Variants in HMCN2 observed in about 807,000 individuals in gnomAD.
HMCN2 encodes the protein hemicentin-2.
A neutral mutation model predicts 377.5 loss-of-function variants in HMCN2; 325 were observed. That is an observed-to-expected ratio of 0.86 (90% CI 0.79 to 0.94). The LOEUF is 0.94. Among genes scored for constraint, HMCN2 ranks in the 40% least tolerant of loss-of-function variants. The probability of loss-of-function intolerance (pLI) is 0.00; values close to 1 mark genes in which losing one functional copy is unlikely to be tolerated. For missense variants in HMCN2, 4,543 were observed against 4,725.3 expected, an observed-to-expected ratio of 0.96 and a Z score of 1.13; for synonymous variants, 2,007 against 2,046.8, an observed-to-expected ratio of 0.98 and a Z score of 0.53.
intron 43 of HMCN2, 92 bp downstream of exon 43, chr9:130,366,087 A>T (rs1395068375): frequency 1.1e-6 from 1 of 924,548 alleles, no homozygotes; most frequent in Non-Finnish European, 1.3e-6. Context: ...CCCAGAGCCT[A>T]GCTGAGATGG....
At chr9:130,399,146 G>C (rs58235868) in intron 75 of HMCN2, among the ~76,000 whole-genome samples, 1,853 of 151,710 alleles carry the variant, frequency 0.012, 31 homozygotes, top group African/African-American at 0.043. Context: ...CCAGCTACCT[G>C]GGAGGCTGAG....
At chr9:130,272,672 A>G (rs1305044021) in intron 1 of HMCN2, among the ~76,000 whole-genome samples, 2 of 151,984 alleles carry the variant, frequency 1.3e-5, no homozygotes, top group African/African-American at 4.8e-5. Flanking sequence ...CTTCACCCCC[A>G]GAGTAGCTGG....
chr9:130,433,339 C>G lies in HMCN2; in HGVS notation c.14895-9C>G. ...AGTCCGCCTGTCCGTGTGTCTGTGC[C>G]GCCCGCAGGACGTGCTTCCGGCGCT... On this transcript the variant is annotated splice_polypyrimidine_tract_variant and intron_variant, in intron 97 of 97. Coordinates refer to ENST00000683500, the MANE Select transcript of HMCN2 (RefSeq NM_001291815.2). 1 of 1,435,946 alleles carries G rather than the reference C, an allele frequency of 7.0e-7. No individual in the cohort carries two copies. The highest frequency in any genetic ancestry group is 9.1e-7 in the Non-Finnish European group (1 of 1,102,770). The allele number at this position is 1,435,946 out of a possible 1,614,324, so 89.0% of individuals were successfully genotyped here. A position where few individuals can be genotyped will look rare whatever the true frequency, so the allele number is the denominator to read the frequency against.
intron 22 of HMCN2, among the ~76,000 whole-genome samples, chr9:130,330,336 G>A (rs1289290994): frequency 1.3e-5 from 2 of 152,080 alleles, no homozygotes; most frequent in Non-Finnish European, 2.9e-5. Flanking sequence ...GCCAAGATGT[G>A]CTGAGCCTCT....
rs1835351673 is a variant in HMCN2 at position 130,285,162 on chromosome 9, G to C, written c.335G>C (p.Gly112Ala). 2 of 471,156 alleles carry C rather than the reference G, an allele frequency of 4.2e-6. No individual in the cohort carries two copies. The highest frequency in any genetic ancestry group is 8.8e-6 in the Non-Finnish European group (2 of 227,026). The allele number at this position is 471,156 out of a possible 1,614,324, so 29.2% of individuals were successfully genotyped here. The change falls in exon 3 of 98, where the codon GGT becomes GCT. Residue 112 changes from glycine (G) to alanine (A), a missense_variant. Coordinates refer to ENST00000683500, the MANE Select transcript of HMCN2 (RefSeq NM_001291815.2). ...TGACATGCTTCTGCCCTCCAGGGAG[G>C]TGGTGACTGCCCGGAGATGAGTGTG... ...RELRELYVQG[G>A]GDCPEMSVGA...
At chr9:130,342,012 A>AAAT (rs1554947858) in intron 24 of HMCN2, among the ~76,000 whole-genome samples, 4 of 130,722 alleles carry the variant, frequency 3.1e-5, no homozygotes, top group Admixed American at 7.8e-5. Context: ...CCCATCTCTT[A>AAAT]AAATAAATAA....
chr9:130,404,134 G>A (rs1040169455), intron 80 of HMCN2, among the ~76,000 whole-genome samples: 3 of 152,138 alleles, frequency 2.0e-5, no homozygotes, highest in African/African-American at 7.2e-5. Context: ...AGCCTCTCTG[G>A]CCCTGCTCTG....
Position 130,405,998 on chromosome 9 carries a change from T to C in HMCN2, c.12383T>C (p.Val4128Ala). Residue 4128 changes from valine (V) to alanine (A), a missense_variant, in exon 82 of 98, where the codon GTG (valine) becomes GCG (alanine). Coordinates refer to ENST00000683500, the MANE Select transcript of HMCN2 (RefSeq NM_001291815.2). ...GTYTCTAENA[V>A]GRARRRVHLT... ...TATACCTGTACCGCTGAGAACGCCG[T>C]GGGCCGGGCCCGCCGCCGCGTGCAC... The C allele has an allele frequency of 7.8e-7, 1 of 1,289,588 alleles. No homozygotes were observed. Among genetic ancestry groups the C allele is most frequent in the Non-Finnish European group, 1.0e-6 (1 of 988,788 alleles). The allele number at this position is 1,289,588 out of a possible 1,614,324, so 79.9% of individuals were successfully genotyped here.
intron 57 of HMCN2, 62 bp downstream of exon 57, chr9:130,383,662 T>G: frequency 3.9e-6 from 3 of 774,102 alleles, no homozygotes; most frequent in Non-Finnish European, 3.1e-6. Flanking sequence ...GGGCACTGCC[T>G]TGGGGCTTCC....
chr9:130,354,119 C>G (rs10793978), intron 31 of HMCN2, among the ~76,000 whole-genome samples: 115,204 of 152,106 alleles, frequency 0.76, 44,238 homozygotes, highest in Middle Eastern at 0.84. Flanking sequence ...ATTTTCAAAG[C>G]GTCTTACACC....
At chr9:130,416,041 A>G (rs1843667325) in intron 85 of HMCN2, among the ~76,000 whole-genome samples, 2 of 151,836 alleles carry the variant, frequency 1.3e-5, no homozygotes, top group African/African-American at 2.4e-5. Context: ...GGATGGGCAC[A>G]GCCCCAGGCA....
chr9:130,303,057 G>T lies in HMCN2; in HGVS notation c.1421+56G>T, dbSNP rs782364573. On this transcript the variant is annotated intron_variant, in intron 9 of 97. Coordinates refer to ENST00000683500, the MANE Select transcript of HMCN2 (RefSeq NM_001291815.2). This position sits in a 1 kb window ranked among gnomAD's most constrained non-coding sequence, Gnocchi z 5.2. ...AGCCACAGGGCTCCTGGCTGCTGAGGCCCTGGAGGGATCTCAGGGGAGTGG... is the reference window on the plus strand; with the variant it reads ...AGCCACAGGGCTCCTGGCTGCTGAGTCCCTGGAGGGATCTCAGGGGAGTGG... The T allele has an allele frequency of 4.7e-6, 2 of 424,202 alleles. No individual in the cohort carries two copies. Among genetic ancestry groups the T allele is most frequent in the Non-Finnish European group, 4.9e-6 (1 of 202,068 alleles). 26.3% of individuals were successfully genotyped at this position (424,202 alleles called of 1,614,324 possible). A position where few individuals can be genotyped will look rare whatever the true frequency, so the allele number is the denominator to read the frequency against.
chr9:130,266,131 G>A lies in HMCN2; in HGVS notation c.253G>A (p.Asp85Asn), dbSNP rs1834080424. 1 of 465,602 alleles carries A rather than the reference G, an allele frequency of 2.1e-6. No homozygotes were observed. Among genetic ancestry groups the A allele is most frequent in the Non-Finnish European group, 4.4e-6 (1 of 226,556 alleles). 28.8% of individuals were successfully genotyped at this position (465,602 alleles called of 1,614,324 possible). A position where few individuals can be genotyped will look rare whatever the true frequency, so the allele number is the denominator to read the frequency against. The change falls in exon 1 of 98, where the codon GAC becomes AAC. Residue 85 changes from aspartate to asparagine, a missense_variant. By Grantham distance (23) the Asp-to-Asn change is conservative (BLOSUM62 1). Transcript: ENST00000683500. The stretch of plus-strand genomic sequence containing the variant: ...CAACTACGCGCTGGTGCCCTTCCAC[G>A]ACCCAGGTAGCGCCCCCGCACCCCC... ...IANYALVPFH[D>N]PDIGPVTLTA... is the part of the protein sequence containing the mutation.
At chr9:130,306,003 G>A (rs1240773372) in intron 11 of HMCN2, 126 bp from the exon 12 acceptor site, 3 of 401,478 alleles carry the variant, frequency 7.5e-6, no homozygotes, top group Non-Finnish European at 1.6e-5. Flanking sequence ...AAGCCCTCTG[G>A]GGTCTTTGCT....
At chr9:130,426,269 C>A (rs1293974213) in intron 90 of HMCN2, among the ~76,000 whole-genome samples, 1 of 152,200 alleles carries the variant, frequency 6.6e-6, no homozygotes, top group Non-Finnish European at 1.5e-5. Flanking sequence ...GAGGCCACAC[C>A]CAAGGAGCCA....
At position 130,382,817 on chromosome 9, in the gene HMCN2, T is replaced by C. The variant is rs771327416; in HGVS notation, c.8684T>C (p.Phe2895Ser). ...TISWLQNGLP[F>S]SPSPRLQVLE... is the part of the protein sequence containing the mutation. ...TCATGGCTCCAGAATGGGCTGCCTTTCTCCCCGAGCCCACGGCTGCAGGTC... is the reference window on the plus strand; with the variant it reads ...TCATGGCTCCAGAATGGGCTGCCTTCCTCCCCGAGCCCACGGCTGCAGGTC... The change falls in exon 56 of 98, where the codon TTC (phenylalanine) becomes TCC (serine). Residue 2895 changes from phenylalanine (F) to serine (S), a missense_variant. Transcript: ENST00000683500. 1 of 985,880 alleles carries C rather than the reference T, an allele frequency of 1.0e-6. No individual in the cohort carries two copies. The highest frequency in any genetic ancestry group is 1.2e-6 in the Non-Finnish European group (1 of 829,954). 61.1% of individuals were successfully genotyped at this position (985,880 alleles called of 1,614,324 possible).
Position 130,296,686 on chromosome 9 carries a change from G to A in HMCN2, c.904G>A (p.Gly302Ser), listed in dbSNP as rs1293071288. Residue 302 changes from glycine (G) to serine (S), a missense_variant, in exon 7 of 98, where the codon GGC becomes AGC. Around this residue, in one of 5 missense-constraint regions of HMCN2, gnomAD observed 547 missense variants for 189.9 expected, o/e 2.88. Transcript: ENST00000683500. ...GGGCCTGCGCTAGGTCTATAGCAGT[G>A]GCCGCCATTCAGTGAGGATCACAGG... ...GLWSIKVYSS[G>S]RHSVRITGVS... 2 of 470,994 alleles carry A rather than the reference G, an allele frequency of 4.2e-6. No homozygotes were observed. Among genetic ancestry groups the A allele is most frequent in the Non-Finnish European group, 8.8e-6 (2 of 227,060 alleles). The allele number at this position is 470,994 out of a possible 1,614,324, so 29.2% of individuals were successfully genotyped here.
At chr9:130,383,274 G>GC (rs1241523542) in intron 56 of HMCN2, among the ~76,000 whole-genome samples, 2 of 151,926 alleles carry the variant, frequency 1.3e-5, no homozygotes, top group Non-Finnish European at 2.9e-5. Flanking sequence ...GGGTGGGGGA[G>GC]GCTCTTGTCA....
At chr9:130,376,718 C>T (rs2131617412) in intron 52 of HMCN2, 60 bp downstream of exon 52, 1 of 965,544 alleles carries the variant, frequency 1.0e-6, no homozygotes. Context: ...GCTGGTTCTG[C>T]TTGGAACCTT....
Sources: allele counts gnomAD v4.1 joint callset (sites outside exome capture counted in the v4.1 genomes callset), GRCh38; gene constraint gnomAD v4.1.1; regional missense constraint gnomAD v4.1.1; non-coding constraint Gnocchi (gnomAD v3.1); transcripts MANE v1.5; gene names NCBI Gene and HGNC (gene_info 2026-07-23, HGNC 2026-07-21).